Variants in ERMARD observed in about 807,000 individuals in gnomAD.
ERMARD encodes the protein endoplasmic reticulum membrane-associated RNA degradation protein.
In ERMARD, 71 loss-of-function variants were observed where a neutral mutation model predicts 83.9. The observed-to-expected ratio is 0.85, with a 90% confidence interval of 0.70 to 1.03. The LOEUF (loss-of-function observed/expected upper bound fraction) is 1.03. Among genes scored for constraint, ERMARD ranks in the 50% least tolerant of loss-of-function variants. The pLI is 0.00. For missense variants in ERMARD, 838 were observed against 810.9 expected, an observed-to-expected ratio of 1.03 and a Z score of -0.41; for synonymous variants, 284 against 298.6, an observed-to-expected ratio of 0.95 and a Z score of 0.50.
chr6:169,771,098 T>A (rs1469193683), intron 12 of ERMARD: 38 of 151,644 alleles, frequency 2.5e-4, no homozygotes, highest in Admixed American at 2.4e-3. Flanking sequence ...GTTTTTTTTT[T>A]ATTGAGACGG....
intron 3 of ERMARD, chr6:169,755,718 G>C: frequency 3.1e-6 from 1 of 320,896 alleles, no homozygotes; most frequent in Non-Finnish European, 5.8e-6. Flanking sequence ...TACTACTCCA[G>C]AATAAGGCGT....
At chr6:169,765,884 C>CGTCATGCTGTCTGTCAA in intron 9 of ERMARD, among the ~76,000 whole-genome samples, 3 of 100,112 alleles carry the variant, frequency 3.0e-5, no homozygotes, top group Admixed American at 2.9e-4. Flanking sequence ...GAAGTGATTT[C>CGTCATGCTGTCTGTCAA]ATCAGGCTGT....
At position 169,776,013 on chromosome 6, in the gene ERMARD, A is replaced by G. The variant is rs750970757; in HGVS notation, c.1468A>G (p.Met490Val). The G allele has an allele frequency of 6.2e-7, 1 of 1,614,218 alleles. No individual in the cohort carries two copies. The highest frequency in any genetic ancestry group is 1.7e-5 in the Admixed American group (1 of 60,026). ...AATGACGGATGAGCTGTATCACCAT[A>G]TGCCTGAGAATCGTTGTGTGTTAAA... is the stretch of plus-strand genomic sequence containing the variant. ...TKMTDELYHH[M>V]PENRCVLKDL... Residue 490 changes from methionine to valine, a missense_variant, in exon 15 of 18, where the codon ATG (methionine) becomes GTG (valine). Physicochemically the swap from Met to Val is conservative, Grantham distance 21. Coordinates refer to ENST00000366773, the MANE Select transcript of ERMARD (RefSeq NM_018341.3).
intron 12 of ERMARD, among the ~76,000 whole-genome samples, chr6:169,772,383 C>G (rs900567719): frequency 2.0e-5 from 3 of 152,210 alleles, no homozygotes; most frequent in Non-Finnish European, 4.4e-5. Context: ...ACTCCAGGCT[C>G]TTACACACCT....
At chr6:169,777,600 C>A (rs1322633946) in intron 16 of ERMARD, among the ~76,000 whole-genome samples, 4 of 151,868 alleles carry the variant, frequency 2.6e-5, no homozygotes. Flanking sequence ...ACCCAAAACA[C>A]TTACAATGTT....
At position 169,756,729 on chromosome 6, in the gene ERMARD, T is replaced by C; in HGVS notation, c.428T>C (p.Leu143Pro). The change falls in exon 5 of 18, where the codon CTG becomes CCG. Residue 143 changes from leucine to proline, a missense_variant. Physicochemically the swap from Leu to Pro is moderately conservative, Grantham distance 98. Coordinates refer to ENST00000366773, the MANE Select transcript of ERMARD (RefSeq NM_018341.3). ...TTGTTTGAATTTTAGGTATTTTTACTGATTGGGAAGGAATGCCCCTTTCTT... is the reference window on the plus strand; with the variant it reads ...TTGTTTGAATTTTAGGTATTTTTACCGATTGGGAAGGAATGCCCCTTTCTT... ...LERALGDVFL[L>P]IGKECPFLLR... 3 of 1,613,992 alleles carry C rather than the reference T, an allele frequency of 1.9e-6. No homozygotes were observed. The highest frequency in any genetic ancestry group is 2.5e-6 in the Non-Finnish European group (3 of 1,179,982).
intron 12 of ERMARD, among the ~76,000 whole-genome samples, chr6:169,770,123 T>G (rs1183537118): frequency 6.6e-6 from 1 of 152,226 alleles, no homozygotes; most frequent in Non-Finnish European, 1.5e-5. Context: ...CATTTGTTAT[T>G]TATATTTTAA....
At chr6:169,781,286 A>G in intron 17 of ERMARD, 44 bp from the exon 18 acceptor site, 1 of 1,512,300 alleles carries the variant, frequency 6.6e-7, no homozygotes, top group Admixed American at 2.5e-5. Context: ...TCATTGTTTC[A>G]TTTTATAATG....
intron 1 of ERMARD, 86 bp from the exon 2 acceptor site, chr6:169,753,778 C>A: frequency 9.7e-7 from 1 of 1,034,748 alleles, no homozygotes; most frequent in Non-Finnish European, 1.3e-6. Context: ...TGAGTGCATT[C>A]AGTTCTTAAG....
At chr6:169,753,663 T>C (rs1016299454) in intron 1 of ERMARD, among the ~76,000 whole-genome samples, 3 of 152,204 alleles carry the variant, frequency 2.0e-5, no homozygotes, top group Non-Finnish European at 2.9e-5. Context: ...TAAGCCTTTA[T>C]CATATTTGAG....
chr6:169,757,800 G>A (rs920852541), intron 5 of ERMARD, among the ~76,000 whole-genome samples: 4 of 152,158 alleles, frequency 2.6e-5, no homozygotes, highest in African/African-American at 4.8e-5. Context: ...CTCCTTGTCC[G>A]CTTAAAGATC....
Position 169,762,001 on chromosome 6 carries a change from G to A in ERMARD, c.858-428G>A, listed in dbSNP as rs145149566. Among the ~76,000 whole-genome samples, 1,402 of 151,806 alleles carry A rather than the reference G, an allele frequency of 9.2e-3. 12 individuals carry two copies. The highest frequency in any genetic ancestry group is 0.013 in the Non-Finnish European group (852 of 67,932). On this transcript the variant is annotated intron_variant, in intron 8 of 17. Transcript: ENST00000366773. ...CCCAGCTGGTTCTGTTTTGCTTCTCGTATTAGCAAGTATTATCATTTCTCT... is the reference window on the plus strand; with the variant it reads ...CCCAGCTGGTTCTGTTTTGCTTCTCATATTAGCAAGTATTATCATTTCTCT...
rs1207991303 is a variant in ERMARD, at chr6:169,781,449, T to C, written c.1973T>C (p.Phe658Ser). ...THTALLKMWT[F>S]SEKKQMLIHL... is the part of the protein sequence containing the mutation. ...ACAGCTTTGTTGAAAATGTGGACTT[T>C]TAGTGAGAAGAAACAAATGTTAATA... The change falls in exon 18 of 18, where the codon TTT becomes TCT. Residue 658 changes from phenylalanine (F) to serine (S), a missense_variant. Phe to Ser is a radical substitution (Grantham distance 155). Transcript: ENST00000366773. The C allele has an allele frequency of 3.7e-6, 6 of 1,611,716 alleles. No individual in the cohort carries two copies. The highest frequency in any genetic ancestry group is 5.1e-6 in the Non-Finnish European group (6 of 1,179,254).
At chr6:169,759,233 C>T (rs1299909170) in intron 6 of ERMARD, among the ~76,000 whole-genome samples, 168 bp downstream of exon 6, 1 of 152,080 alleles carries the variant, frequency 6.6e-6, no homozygotes, top group Non-Finnish European at 1.5e-5. Context: ...AGAGTGATGA[C>T]TGGGTTATAA....
chr6:169,765,057 G>A (rs12525275), intron 9 of ERMARD, among the ~76,000 whole-genome samples: 44,516 of 152,186 alleles, frequency 0.29, 7,372 homozygotes, highest in African/African-American at 0.45. Context: ...GCCACTCAGC[G>A]CGGTGTGGAG....
intron 16 of ERMARD, 89 bp downstream of exon 16, chr6:169,776,762 C>T: frequency 6.9e-7 from 1 of 1,442,930 alleles, no homozygotes; most frequent in East Asian, 2.4e-5. Context: ...CAGACACACA[C>T]AGTAGCCCCT....
intron 14 of ERMARD, among the ~76,000 whole-genome samples, chr6:169,775,712 G>A (rs1364113934): frequency 6.6e-6 from 1 of 152,272 alleles, no homozygotes; most frequent in Admixed American, 6.5e-5. Context: ...TCAGCAGGAA[G>A]AATACGCAGG....
rs760337083 is a variant in ERMARD, at chr6:169,759,107, A to G, written c.605+42A>G. On this transcript the variant is annotated intron_variant, in intron 6 of 17. Coordinates refer to ENST00000366773, the MANE Select transcript of ERMARD (RefSeq NM_018341.3). ...GACATTTTCTTCCTTTTTTGGATCT[A>G]CCAAAGAGTTTTTTAAATTTTGAAT... 6.0e-5 allele frequency: 90 copies of G among 1,503,868 alleles called. No individual in the cohort carries two copies. The Middle Eastern group carries it at 6.9e-4, about 12-fold the overall frequency. 93.2% of individuals were successfully genotyped at this position (1,503,868 alleles called of 1,614,324 possible). A position where few individuals can be genotyped will look rare whatever the true frequency, so the allele number is the denominator to read the frequency against.
intron 9 of ERMARD, among the ~76,000 whole-genome samples, chr6:169,765,367 C>A (rs1792070217): frequency 6.6e-6 from 1 of 152,150 alleles, no homozygotes; most frequent in African/African-American, 2.4e-5. Flanking sequence ...ACTGCAGATG[C>A]TGTTATTATT....
Sources: gnomAD v4.1 joint callset for allele counts (sites outside exome capture counted in the v4.1 genomes callset) on GRCh38, gnomAD v4.1.1 for gene constraint, MANE v1.5 for transcripts, NCBI Gene and HGNC (gene_info 2026-07-23, HGNC 2026-07-21) for gene names.